The following TNFSF8 variants were observed in gnomAD, a reference collection of about 807,000 sequenced individuals.
The protein encoded by TNFSF8 is TNF superfamily member 8.
A neutral mutation model predicts 22.0 loss-of-function variants in TNFSF8; 4 were observed. The ratio of observed to expected loss-of-function variants is 0.18; its 90% CI spans 0.09 to 0.42. The LOEUF (loss-of-function observed/expected upper bound fraction) is 0.42. TNFSF8 is among the 10% of genes least tolerant of loss of function. The pLI, the probability that TNFSF8 is intolerant of heterozygous loss-of-function variation, is 1.00. For synonymous variants in TNFSF8, 106 were observed against 112.5 expected (o/e 0.94, Z 0.37); for missense variants, 233 against 281.8 (o/e 0.83, Z 1.24).
chr9:114,921,649 A>G (rs1450785061), intron 1 of TNFSF8, among the ~76,000 whole-genome samples: 1 of 152,230 alleles, frequency 6.6e-6, no homozygotes, highest in East Asian at 1.9e-4. Flanking sequence ...GATGTCCCCC[A>G]GTCCTAGAAT....
At chr9:114,923,506 CTTTCTTTCTTTCTTTCT>C (rs1318148224) in intron 1 of TNFSF8, among the ~76,000 whole-genome samples, 3 of 85,506 alleles carry the variant, frequency 3.5e-5, no homozygotes, top group African/African-American at 1.7e-4. Context: ...TTCTTTCTTT[CTTTCTTTCTTTCTTTCT>C]TTTTTTTTTT....
At chr9:114,917,475 G>T (rs974413674) in intron 2 of TNFSF8, among the ~76,000 whole-genome samples, 2 of 152,104 alleles carry the variant, frequency 1.3e-5, no homozygotes, top group Non-Finnish European at 2.9e-5. Context: ...TCTCATCATC[G>T]ATGTTAACTG....
chr9:114,927,712 G>A (rs1828080974), intron 1 of TNFSF8, among the ~76,000 whole-genome samples: 1 of 152,102 alleles, frequency 6.6e-6, no homozygotes, highest in Non-Finnish European at 1.5e-5. Context: ...GACTTCTTGT[G>A]CCAGTAAAAC....
At chr9:114,930,595 TC>T (rs906949318), upstream of TNFSF8, 5 of 281,814 alleles carry the variant, frequency 1.8e-5, no homozygotes, top group African/African-American at 1.3e-4. Flanking sequence ...AAATGACGGT[TC>T]CCCGACTGTG....
chr9:114,922,801 TCTCCCA>T (rs1461799351), intron 1 of TNFSF8, among the ~76,000 whole-genome samples: 1 of 152,084 alleles, frequency 6.6e-6, no homozygotes, highest in Non-Finnish European at 1.5e-5. Flanking sequence ...AAGCAGTGCT[TCTCCCA>T]CTTTAAAAGA....
downstream of TNFSF8, among the ~76,000 whole-genome samples, chr9:114,899,994 A>C (rs568605112): frequency 1.3e-5 from 2 of 152,258 alleles, no homozygotes; most frequent in Non-Finnish European, 2.9e-5. Context: ...TGTGTGTAAC[A>C]GCAAAAACCT....
At chr9:114,898,060 T>C (rs1454341212), downstream of TNFSF8, among the ~76,000 whole-genome samples, 1 of 151,478 alleles carries the variant, frequency 6.6e-6, no homozygotes, top group African/African-American at 2.4e-5. Context: ...TGGAGTGCAG[T>C]GACATGATCT....
chr9:114,894,184 T>C, intron 4 of TNFSF8: 1 of 1,524,494 alleles, frequency 6.6e-7, no homozygotes, highest in Non-Finnish European at 8.8e-7. Context: ...AGAATAACTT[T>C]ACTTTGTAGA....
At chr9:114,924,225 C>A (rs1316652253) in intron 1 of TNFSF8, among the ~76,000 whole-genome samples, 1 of 151,996 alleles carries the variant, frequency 6.6e-6, no homozygotes, top group Non-Finnish European at 1.5e-5. Flanking sequence ...TGGGGTGAGC[C>A]CTGAGATTTT....
intron 1 of TNFSF8, 97 bp from the exon 2 acceptor site, chr9:114,918,235 G>A: frequency 9.4e-7 from 1 of 1,058,966 alleles, no homozygotes; most frequent in Non-Finnish European, 1.3e-6. Context: ...AAAGTACTGT[G>A]CAATTTACAA....
chr9:114,921,991 C>T (rs1827994646), intron 1 of TNFSF8, among the ~76,000 whole-genome samples: 1 of 152,138 alleles, frequency 6.6e-6, no homozygotes, highest in South Asian at 2.1e-4. Flanking sequence ...AAAATGACCC[C>T]CATCCCAACC....
At chr9:114,897,728 C>T (rs1430471085), downstream of TNFSF8, among the ~76,000 whole-genome samples, 1 of 152,042 alleles carries the variant, frequency 6.6e-6, no homozygotes, top group Non-Finnish European at 1.5e-5. Context: ...ATTGGAGGAA[C>T]TGGAAGGAGT....
chr9:114,896,536 G>T (rs1008477960), downstream of TNFSF8, among the ~76,000 whole-genome samples: 3 of 152,168 alleles, frequency 2.0e-5, no homozygotes, highest in Non-Finnish European at 2.9e-5. Flanking sequence ...TTTAAAGTAA[G>T]GGATATGTTC....
chr9:114,900,424 G>A (rs987094523), downstream of TNFSF8, among the ~76,000 whole-genome samples: 12 of 152,210 alleles, frequency 7.9e-5, no homozygotes, highest in Admixed American at 7.9e-4. Flanking sequence ...CTCGAGTGTG[G>A]TTAGTGAGAG....
intron 2 of TNFSF8, 76 bp from the exon 3 acceptor site, chr9:114,905,975 A>G (rs1587932407): frequency 1.1e-6 from 1 of 948,906 alleles, no homozygotes; most frequent in South Asian, 1.3e-5. Flanking sequence ...TTTTTCTACA[A>G]CACTTTGATG....
Position 114,930,092 on chromosome 9 carries a change from AAG to A in TNFSF8, c.195+15_195+16del. On this transcript the variant is annotated intron_variant, in intron 1 of 3. Transcript: ENST00000223795. ...AAACAACAAGAAAAGGAAAGGGAGG[AAG>A]AGGAGTCCACTTACCGTCCTCTGAA... is the stretch of plus-strand genomic sequence containing the variant. 3 of 1,441,564 alleles carry A rather than the reference AAG, an allele frequency of 2.1e-6. No individual in the cohort carries two copies. In the South Asian group the frequency reaches 4.4e-5, roughly 21 times the overall value. 89.3% of individuals were successfully genotyped at this position (1,441,564 alleles called of 1,614,324 possible).
In TNFSF8 at chr9:114,923,516, TTCTTTC is replaced by T. The variant is rs1255421198; in HGVS notation, c.196-5384_196-5379del. On this transcript the variant is annotated intron_variant, in intron 1 of 3. Transcript: ENST00000223795. ...TTTCTTTCTTTCTTTCTTTCTTTCT[TTCTTTC>T]TTTTTTTTTTTTTGAGATGAAATCT... is the stretch of plus-strand genomic sequence containing the variant. Among the ~76,000 whole-genome samples the T allele has an allele frequency of 3.2e-3, 281 of 87,054 alleles. 1 individual carries two copies. Among genetic ancestry groups the T allele is most frequent in the Middle Eastern group, 0.014 (3 of 220 alleles). The allele number at this position is 87,054 out of a possible 152,430, so 57.1% of individuals were successfully genotyped here.
At chr9:114,899,347 T>TTTTTTTTTTA (rs1554775966), downstream of TNFSF8, among the ~76,000 whole-genome samples, 11 of 143,886 alleles carry the variant, frequency 7.6e-5, no homozygotes, top group African/African-American at 2.9e-4. Flanking sequence ...AAGTTATTAT[T>TTTTTTTTTTA]TTTTTTTTTT....
chr9:114,905,415 T>C (rs1188339277), intron 3 of TNFSF8, among the ~76,000 whole-genome samples: 2 of 152,072 alleles, frequency 1.3e-5, no homozygotes, highest in African/African-American at 4.8e-5. Flanking sequence ...GGTTCCCTTG[T>C]GAATAACTTC....
Sources: allele counts gnomAD v4.1 joint callset (sites outside exome capture counted in the v4.1 genomes callset), GRCh38; gene constraint gnomAD v4.1.1; transcripts MANE v1.5; gene names NCBI Gene and HGNC (gene_info 2026-07-23, HGNC 2026-07-21).